RNF135: variants seen among roughly 807,000 people sequenced by gnomAD.
The protein encoded by RNF135 is E3 ubiquitin-protein ligase RNF135.
In RNF135, 46 loss-of-function variants were observed where a neutral mutation model predicts 41.9. That is an observed-to-expected ratio of 1.10 (90% confidence interval 0.87 to 1.40). The LOEUF (loss-of-function observed/expected upper bound fraction) is 1.40. RNF135 is among the 40% of genes most tolerant of loss of function. RNF135 has a pLI of 0.00. For missense variants in RNF135, 539 were observed against 549.8 expected (o/e 0.98, Z 0.20); for synonymous variants, 238 against 223.8 (o/e 1.06, Z -0.57).
At chr17:30,967,019 A>T (rs1397139663), upstream of RNF135, among the ~76,000 whole-genome samples, 3 of 152,158 alleles carry the variant, frequency 2.0e-5, no homozygotes, top group Non-Finnish European at 4.4e-5. Context: ...TCTATCATTA[A>T]GTAATGTTCA....
At chr17:30,989,358 A>G (rs1907831706) in intron 3 of RNF135, among the ~76,000 whole-genome samples, 1 of 152,002 alleles carries the variant, frequency 6.6e-6, no homozygotes. Context: ...GATCTTGTCT[A>G]CAAACAAAAC....
chr17:30,988,715 C>T (rs1332499604), intron 3 of RNF135, among the ~76,000 whole-genome samples: 2 of 145,754 alleles, frequency 1.4e-5, no homozygotes, highest in Non-Finnish European at 3.0e-5. Context: ...CGTGAGCCAC[C>T]GTGCCTGGCC....
In RNF135 at chr17:30,984,779, G is replaced by C; in HGVS notation, c.516+19G>C. On this transcript the variant is annotated intron_variant, in intron 2 of 4. Coordinates refer to ENST00000328381, the MANE Select transcript of RNF135 (RefSeq NM_032322.4). ...GGGCAAGGTAGGCTCCACTGGGAGAGGAAAGGATGTGGAAGGGAATAGGGC... is the reference window on the plus strand; with the variant it reads ...GGGCAAGGTAGGCTCCACTGGGAGACGAAAGGATGTGGAAGGGAATAGGGC... 1 of 1,613,792 alleles carries C rather than the reference G, an allele frequency of 6.2e-7. No individual in the cohort carries two copies. The highest frequency in any genetic ancestry group is 1.3e-5 in the African/African-American group (1 of 75,050).
chr17:30,993,811 A>G, intron 3 of RNF135: 1 of 918,322 alleles, frequency 1.1e-6, no homozygotes, highest in East Asian at 2.7e-5. Context: ...TGAATTAATT[A>G]ATTAATTAAT....
chr17:30,963,471 C>CTGAA, the RNF135 span, among the ~76,000 whole-genome samples: 482 of 152,012 alleles, frequency 3.2e-3, 1 homozygote, highest in African/African-American at 0.011. Flanking sequence ...ACTCGGGAGG[C>CTGAA]TGAAGCAGGA....
Position 30,984,734 on chromosome 17 carries a change from G to A in RNF135, c.490G>A (p.Asp164Asn). 1 of 1,614,164 alleles carries A rather than the reference G, an allele frequency of 6.2e-7. No individual in the cohort carries two copies. The highest frequency in any genetic ancestry group is 8.5e-7 in the Non-Finnish European group (1 of 1,180,018). The change falls in exon 2 of 5, where the codon GAC becomes AAC. Residue 164 changes from aspartate to asparagine, a missense_variant. Physicochemically the swap from Asp to Asn is conservative, Grantham distance 23. This residue lies in a region of RNF135 where 262 missense variants were observed against 336.9 expected (regional missense o/e 0.78). Transcript: ENST00000328381. ...NQRPLSESGP[D>N]NELSILGKAF... ...GAGGCCCCTATCAGAATCTGGACCA[G>A]ACAACGAACTGAGCATCCTGGGCAA...
the RNF135 span, among the ~76,000 whole-genome samples, chr17:30,960,534 C>T: frequency 6.6e-6 from 1 of 152,020 alleles, no homozygotes. Flanking sequence ...GCACTCCAGC[C>T]TGGGTGACAG....
chr17:30,975,720 A>G (rs1378896496), intron 1 of RNF135: 3 of 1,412,430 alleles, frequency 2.1e-6, no homozygotes, highest in Non-Finnish European at 2.0e-6. Flanking sequence ...AGATTGCCCA[A>G]CACTGCTCAC....
At chr17:30,983,337 A>AT in intron 1 of RNF135, among the ~76,000 whole-genome samples, 1 of 25,696 alleles carries the variant, frequency 3.9e-5, no homozygotes, top group Non-Finnish European at 1.0e-4. Context: ...ATATATATAT[A>AT]TATATATATA....
chr17:30,978,136 C>A (rs1240978117), intron 1 of RNF135, among the ~76,000 whole-genome samples: 3 of 152,086 alleles, frequency 2.0e-5, no homozygotes, highest in Non-Finnish European at 2.9e-5. Flanking sequence ...TTATTTATTT[C>A]TTTTCTCTTG....
At chr17:30,989,118 C>T (rs1260933507) in intron 3 of RNF135, among the ~76,000 whole-genome samples, 1 of 150,324 alleles carries the variant, frequency 6.7e-6, no homozygotes, top group African/African-American at 2.4e-5. Flanking sequence ...GCCTGTAATC[C>T]CAGTGCTTTG....
In RNF135 at chr17:30,987,933, T is replaced by C. The variant is rs1353357000; in HGVS notation, c.517-11T>C. The C allele has an allele frequency of 6.2e-7, 1 of 1,613,494 alleles. No homozygotes were observed. The highest frequency in any genetic ancestry group is 1.7e-5 in the Admixed American group (1 of 60,020). On this transcript the variant is annotated splice_polypyrimidine_tract_variant and intron_variant, in intron 2 of 4. Transcript: ENST00000328381. The stretch of plus-strand genomic sequence containing the variant: ...CTTCCATTTATTCAGTTTTAAATGG[T>C]TTATCAATAGGCTTTTTCTTCTGGG...
chr17:30,967,088 G>A (rs1349359659), upstream of RNF135, among the ~76,000 whole-genome samples: 1 of 152,114 alleles, frequency 6.6e-6, no homozygotes. Flanking sequence ...AGACTGGAGT[G>A]CAGTGGTGCC....
chr17:30,971,814 C>CAAA, intron 1 of RNF135: 7 of 785,392 alleles, frequency 8.9e-6, no homozygotes, highest in South Asian at 3.7e-5. Context: ...GACGGAGTCT[C>CAAA]GCTCTGTCGC....
chr17:30,984,804 C>T (rs1262959032), intron 2 of RNF135, 44 bp downstream of exon 2: 3 of 1,600,184 alleles, frequency 1.9e-6, no homozygotes, highest in Admixed American at 1.7e-5. Flanking sequence ...GGGAATAGGG[C>T]TAGGGATTGC....
At chr17:30,982,965 C>G (rs1003862178) in intron 1 of RNF135, among the ~76,000 whole-genome samples, 1 of 152,112 alleles carries the variant, frequency 6.6e-6, no homozygotes, top group African/African-American at 2.4e-5. Flanking sequence ...TAATTTCTGT[C>G]TCTGATTTTG....
Position 30,989,821 on chromosome 17 carries a change from G to A in RNF135, c.679+1715G>A, listed in dbSNP as rs567880052. On this transcript the variant is annotated intron_variant, in intron 3 of 4. Coordinates refer to ENST00000328381, the MANE Select transcript of RNF135 (RefSeq NM_032322.4). ...TCAAGACCAGCCTGGTCAACCTGGC[G>A]AAACCCTGTCTCTATTAAAAACACA... Among the ~76,000 whole-genome samples, 4 of 151,984 alleles carry A rather than the reference G, an allele frequency of 2.6e-5. No individual in the cohort carries two copies. In the South Asian group the frequency reaches 6.2e-4, roughly 24 times the overall value.
intron 1 of RNF135, chr17:30,971,891 G>A (rs9907077): frequency 0.15 from 30,606 of 200,736 alleles, 9,372 homozygotes; most frequent in African/African-American, 0.66. Flanking sequence ...CCCCAGGGTC[G>A]AGTGATTCTC....
At position 30,987,958 on chromosome 17, in the gene RNF135, G is replaced by T. The variant is rs1694181305; in HGVS notation, c.531G>T (p.Gly177=). The change falls in exon 3 of 5, where the codon GGG becomes GGT. Residue 177 remains glycine (G), a synonymous_variant. Coordinates refer to ENST00000328381, the MANE Select transcript of RNF135 (RefSeq NM_032322.4). ...LSILGKAFSS[G]VDLSMASPKL... is the part of the protein sequence containing the mutation. The stretch of plus-strand genomic sequence containing the variant: ...TTTATCAATAGGCTTTTTCTTCTGG[G>T]GTGGATCTTTCCATGGCTTCTCCAA... The T allele has an allele frequency of 6.2e-7, 1 of 1,613,770 alleles. No individual in the cohort carries two copies. Among genetic ancestry groups the T allele is most frequent in the African/African-American group, 1.3e-5 (1 of 74,840 alleles).
Sources: gnomAD v4.1 joint callset for allele counts (sites outside exome capture counted in the v4.1 genomes callset) on GRCh38, gnomAD v4.1.1 for gene constraint, gnomAD v4.1.1 regional missense constraint, MANE v1.5 for transcripts, NCBI Gene and HGNC (gene_info 2026-07-23, HGNC 2026-07-21) for gene names.